Variants in RSF1 observed in about 807,000 individuals in gnomAD.
RSF1 encodes remodeling and spacing factor 1, also known as HBV pX-associated protein 8.
RSF1 carries 13 observed loss-of-function variants against 145.2 expected under a neutral mutation model. The observed-to-expected ratio is 0.09, with a 90% CI of 0.06 to 0.14. RSF1 has a LOEUF of 0.14. Among genes scored for constraint, RSF1 ranks in the 10% least tolerant of loss-of-function variants. RSF1 has a pLI of 1.00. For synonymous variants in RSF1, 577 were observed against 592.6 expected (o/e 0.97, Z 0.38); for missense variants, 1,517 against 1,718.2 (o/e 0.88, Z 2.07).
chr11:77,837,110 T>C, the RSF1 span, among the ~76,000 whole-genome samples: 1 of 152,218 alleles, frequency 6.6e-6, no homozygotes, highest in South Asian at 2.1e-4. Flanking sequence ...CTGTGTTGTT[T>C]TTTGTTTGAG....
rs181201218 is a variant in RSF1, at chr11:77,819,908, C to T, written c.187+620G>A. On this transcript the variant is annotated intron_variant, in intron 1 of 15. Coordinates refer to ENST00000308488, the MANE Select transcript of RSF1 (RefSeq NM_016578.4). ...GGGGGAGGAGCAGACCTCCCCACTT[C>T]AAGGAAGGAGTTTTAGGGGTTAAAG... 5.2e-4 allele frequency among the ~76,000 whole-genome samples: 79 copies of T among 151,910 alleles called. 1 individual carries two copies. In the Middle Eastern group the frequency reaches 0.017, roughly 33 times the overall value.
At chr11:77,785,479 A>G (rs1948444573) in intron 1 of RSF1, among the ~76,000 whole-genome samples, 1 of 152,118 alleles carries the variant, frequency 6.6e-6, no homozygotes, top group Admixed American at 6.6e-5. Flanking sequence ...AATCCCAGCT[A>G]CTTAGGAGGC....
At chr11:77,753,864 C>T (rs1482875687) in intron 2 of RSF1, among the ~76,000 whole-genome samples, 1 of 152,180 alleles carries the variant, frequency 6.6e-6, no homozygotes, top group Non-Finnish European at 1.5e-5. Flanking sequence ...CCACGTGGAC[C>T]TGCCAATCTG....
chr11:77,711,858 T>A (rs1391819671), intron 5 of RSF1, among the ~76,000 whole-genome samples: 1 of 152,172 alleles, frequency 6.6e-6, no homozygotes, highest in Non-Finnish European at 1.5e-5. Context: ...AGGATCCATG[T>A]CTCAGTGTAT....
chr11:77,747,050 G>C lies in RSF1; in HGVS notation c.358C>G (p.Leu120Val). 1.3e-6 allele frequency: 2 copies of C among 1,596,732 alleles called. No individual in the cohort carries two copies. The highest frequency in any genetic ancestry group is 1.7e-6 in the Non-Finnish European group (2 of 1,164,588). ...GYLEMSVECK[L>V]ALLKYLCECQ... Reference sequence around the variant, plus strand: ...AGATTTATTACCTTTAAGAGTGCTAGTTTGCATTCAACACTCATTTCAAGA... The same window carrying C: ...AGATTTATTACCTTTAAGAGTGCTACTTTGCATTCAACACTCATTTCAAGA... The change falls in exon 3 of 16, where the codon CTA becomes GTA. Residue 120 changes from leucine to valine, a missense_variant. Coordinates refer to ENST00000308488, the MANE Select transcript of RSF1 (RefSeq NM_016578.4).
At chr11:77,867,358 C>G in the RSF1 span, among the ~76,000 whole-genome samples, 2 of 152,208 alleles carry the variant, frequency 1.3e-5, no homozygotes, top group East Asian at 3.8e-4. Flanking sequence ...GTTAAAACAG[C>G]ATGTCTTCCA....
Position 77,761,384 on chromosome 11 carries a change from T to C in RSF1, c.279+3214A>G, listed in dbSNP as rs531208817. Among the ~76,000 whole-genome samples the C allele has an allele frequency of 6.1e-4, 90 of 147,684 alleles. 1 individual carries two copies. In the South Asian group the frequency reaches 0.019, roughly 31 times the overall value. ...ACTACATTCAATGTTACAGTATTTC[T>C]TTTTTTTTTTAAACTCCTATTTACT... is the stretch of plus-strand genomic sequence containing the variant. On this transcript the variant is annotated intron_variant, in intron 2 of 15. Coordinates refer to ENST00000308488, the MANE Select transcript of RSF1 (RefSeq NM_016578.4).
the RSF1 span, among the ~76,000 whole-genome samples, chr11:77,866,033 A>C: frequency 2.6e-5 from 4 of 152,246 alleles, no homozygotes; most frequent in African/African-American, 9.6e-5. Flanking sequence ...TTTAAACTTC[A>C]CTCACAGAAT....
chr11:77,822,445 GCAAGGTA>G (rs1223451388), upstream of RSF1, among the ~76,000 whole-genome samples: 1 of 142,844 alleles, frequency 7.0e-6, no homozygotes, highest in Non-Finnish European at 1.5e-5. Context: ...AGAATTTGAA[GCAAGGTA>G]CAACACAAAC....
upstream of RSF1, chr11:77,820,937 ACTTTCCGCCCT>A (rs891447560): frequency 3.4e-5 from 19 of 555,088 alleles, no homozygotes; most frequent in African/African-American, 9.8e-5. Flanking sequence ...GGCGCCTTTC[ACTTTCCGCCCT>A]CTTTCCGCCC....
chr11:77,818,701 C>G (rs1325246896), intron 1 of RSF1, among the ~76,000 whole-genome samples: 1 of 152,174 alleles, frequency 6.6e-6, no homozygotes, highest in Non-Finnish European at 1.5e-5. Context: ...ATCGCTTGAA[C>G]CTGGGAGGCG....
rs190670787 is a variant in RSF1, at chr11:77,777,424, G to A, written c.188-12735C>T. ...CTGGTCAACATGGTGAAACCCTGTCGCTAATAAAAATATAAGAAATTAGCC... is the reference window on the plus strand; with the variant it reads ...CTGGTCAACATGGTGAAACCCTGTCACTAATAAAAATATAAGAAATTAGCC... On this transcript the variant is annotated intron_variant, in intron 1 of 15. Transcript: ENST00000308488. 2.5e-3 allele frequency among the ~76,000 whole-genome samples: 378 copies of A among 151,860 alleles called. 3 individuals are homozygous for A. Among genetic ancestry groups the A allele is most frequent in the Non-Finnish European group, 4.0e-3 (272 of 67,936 alleles).
chr11:77,695,163 T>C (rs183904890), intron 7 of RSF1, among the ~76,000 whole-genome samples: 12 of 152,314 alleles, frequency 7.9e-5, no homozygotes, highest in African/African-American at 2.9e-4. Context: ...AGTATGAGTA[T>C]CAAATAATTT....
chr11:77,768,814 A>G (rs1948252955), intron 1 of RSF1, among the ~76,000 whole-genome samples: 1 of 152,146 alleles, frequency 6.6e-6, no homozygotes, highest in African/African-American at 2.4e-5. Flanking sequence ...CATTAAAATC[A>G]CCATACTTTT....
intron 1 of RSF1, among the ~76,000 whole-genome samples, chr11:77,776,236 G>A (rs765602371): frequency 1.4e-4 from 21 of 151,898 alleles, no homozygotes; most frequent in Non-Finnish European, 2.5e-4. Context: ...AAACAAAAAC[G>A]GGGAAAAAAC....
intron 9 of RSF1, among the ~76,000 whole-genome samples, chr11:77,687,485 C>T (rs1371825824): frequency 6.6e-6 from 1 of 151,998 alleles, no homozygotes; most frequent in Non-Finnish European, 1.5e-5. Flanking sequence ...TTGGGTAGAT[C>T]ACTTGAGGCT....
chr11:77,726,624 T>C (rs1177230097), intron 4 of RSF1, among the ~76,000 whole-genome samples: 4 of 152,180 alleles, frequency 2.6e-5, no homozygotes, highest in Non-Finnish European at 4.4e-5. Flanking sequence ...AAGCAGGCCC[T>C]GGACTAAGAG....
chr11:77,756,186 T>C (rs917828867), intron 2 of RSF1, among the ~76,000 whole-genome samples: 1 of 151,872 alleles, frequency 6.6e-6, no homozygotes, highest in Admixed American at 6.6e-5. Context: ...GGAGAAACCC[T>C]GTCTCAGCTA....
intron 1 of RSF1, 98 bp from the exon 2 acceptor site, chr11:77,764,787 T>C: frequency 1.3e-6 from 1 of 764,356 alleles, no homozygotes; most frequent in South Asian, 1.7e-5. Flanking sequence ...CCTGGATACC[T>C]TCTCAAAACA....
Sources: allele counts gnomAD v4.1 joint callset (sites outside exome capture counted in the v4.1 genomes callset), GRCh38; gene constraint gnomAD v4.1.1; transcripts MANE v1.5; gene names NCBI Gene and HGNC (gene_info 2026-07-23, HGNC 2026-07-21).